Variants in PKP2 observed in about 807,000 individuals in gnomAD.
PKP2 encodes the protein plakophilin-2.
Under a neutral mutation model 83.4 loss-of-function variants are expected in PKP2, and 73 were observed. The ratio of observed to expected loss-of-function variants is 0.88; its 90% CI spans 0.72 to 1.06. The LOEUF (loss-of-function observed/expected upper bound fraction) is 1.06, where lower values mean the gene tolerates loss of function less well. PKP2 is among the 50% of genes least tolerant of loss of function. PKP2 has a pLI of 0.00. For synonymous variants in PKP2, 409 were observed against 430.4 expected (o/e 0.95, Z 0.62); for missense variants, 966 against 1,065.4 (o/e 0.91, Z 1.30).
At chr12:32,853,444 GT>G (rs985870268) in intron 4 of PKP2, among the ~76,000 whole-genome samples, 3 of 143,298 alleles carry the variant, frequency 2.1e-5, no homozygotes, top group African/African-American at 7.7e-5. Flanking sequence ...AAAACAACCT[GT>G]AATTCACGTT....
At chr12:32,792,850 G>T in intron 11 of PKP2, 119 bp from the exon 12 acceptor site, 1 of 781,498 alleles carries the variant, frequency 1.3e-6, no homozygotes, top group Non-Finnish European at 2.3e-6. Flanking sequence ...AGCCATCCAT[G>T]AAGTCAGGCC....
intron 1 of PKP2, chr12:32,894,598 G>T (rs567846570): frequency 6.6e-6 from 1 of 152,326 alleles, no homozygotes; most frequent in South Asian, 2.1e-4. Context: ...GCACATAGTA[G>T]ATGCTCAGCA....
At chr12:32,795,922 G>A (rs938157755) in intron 11 of PKP2, among the ~76,000 whole-genome samples, 187 bp downstream of exon 11, 3 of 152,224 alleles carry the variant, frequency 2.0e-5, no homozygotes, top group Admixed American at 2.0e-4. Context: ...AGCATGTGGT[G>A]TGGTGGATTC....
intron 9 of PKP2, among the ~76,000 whole-genome samples, chr12:32,802,821 G>T (rs1035202069): frequency 6.6e-6 from 1 of 151,854 alleles, no homozygotes; most frequent in Admixed American, 6.6e-5. Flanking sequence ...ACCACGCCCA[G>T]CTAATTTTTT....
intron 4 of PKP2, among the ~76,000 whole-genome samples, chr12:32,855,174 A>G (rs1956734184): frequency 6.6e-6 from 1 of 152,260 alleles, no homozygotes; most frequent in Non-Finnish European, 1.5e-5. Flanking sequence ...CTAACATGCA[A>G]AAATAGTGAC....
intron 5 of PKP2, among the ~76,000 whole-genome samples, chr12:32,845,174 G>C (rs1275761500): frequency 6.6e-6 from 1 of 152,106 alleles, no homozygotes; most frequent in African/African-American, 2.4e-5. Context: ...AACTCCATTA[G>C]CCAGAAATTT....
At chr12:32,806,686 TTG>T (rs140484431) in intron 9 of PKP2, among the ~76,000 whole-genome samples, 3 of 149,660 alleles carry the variant, frequency 2.0e-5, no homozygotes, top group Admixed American at 6.7e-5. Flanking sequence ...TTTGAAGGGT[TTG>T]TGTGTGTGTG....
At chr12:32,812,443 T>A (rs1349052397) in intron 9 of PKP2, among the ~76,000 whole-genome samples, 1 of 152,180 alleles carries the variant, frequency 6.6e-6, no homozygotes, top group African/African-American at 2.4e-5. Flanking sequence ...TGATTAGTCA[T>A]CTTTTCTGTT....
chr12:32,828,512 A>T (rs907368094), intron 6 of PKP2, among the ~76,000 whole-genome samples: 11 of 152,206 alleles, frequency 7.2e-5, no homozygotes, highest in Non-Finnish European at 1.2e-4. Flanking sequence ...AAATAGCATG[A>T]TCTGTAATTT....
intron 6 of PKP2, among the ~76,000 whole-genome samples, chr12:32,827,149 G>A (rs937146907): frequency 8.5e-5 from 13 of 152,162 alleles, no homozygotes; most frequent in Non-Finnish European, 1.6e-4. Context: ...GTTTAACTCC[G>A]GGGTGTTTAT....
At chr12:32,815,501 T>C (rs1956312398) in intron 9 of PKP2, among the ~76,000 whole-genome samples, 1 of 152,212 alleles carries the variant, frequency 6.6e-6, no homozygotes, top group African/African-American at 2.4e-5. Flanking sequence ...ATACAAATGT[T>C]TACTGACCTG....
chr12:32,814,601 A>G (rs73301783), intron 9 of PKP2, among the ~76,000 whole-genome samples: 2,321 of 152,126 alleles, frequency 0.015, 52 homozygotes, highest in African/African-American at 0.053. Flanking sequence ...TCTTATTTAG[A>G]CTATGGTGCA....
At chr12:32,809,868 G>T (rs1956262072) in intron 9 of PKP2, among the ~76,000 whole-genome samples, 1 of 152,170 alleles carries the variant, frequency 6.6e-6, no homozygotes, top group Non-Finnish European at 1.5e-5. Context: ...GACCCACTCT[G>T]CTTTTCTTTA....
chr12:32,859,315 T>C (rs373232439), intron 4 of PKP2, among the ~76,000 whole-genome samples: 2 of 152,360 alleles, frequency 1.3e-5, no homozygotes, highest in South Asian at 2.1e-4. Flanking sequence ...ATTAGTTCCA[T>C]TAAGTTCTCA....
chr12:32,890,728 G>A (rs1401191945), intron 1 of PKP2, among the ~76,000 whole-genome samples: 2 of 152,114 alleles, frequency 1.3e-5, no homozygotes, highest in Non-Finnish European at 2.9e-5. Context: ...GGAGGCAGAG[G>A]TGGGCGGATC....
In PKP2 at chr12:32,814,697, G is replaced by A. The variant is rs183680200; in HGVS notation, c.2013+6659C>T. On this transcript the variant is annotated intron_variant, in intron 9 of 12. Coordinates refer to ENST00000340811, the MANE Select transcript of PKP2 (RefSeq NM_001005242.3). The stretch of plus-strand genomic sequence containing the variant: ...CCAGCACTTTGGGAGGCAGAGGAAG[G>A]CAGATCACCTGAGGTCAGGAGTTCG... Among the ~76,000 whole-genome samples the A allele has an allele frequency of 8.6e-4, 131 of 152,296 alleles. 1 individual carries two copies. Among genetic ancestry groups the A allele is most frequent in the African/African-American group, 3.1e-3 (128 of 41,560 alleles).
At chr12:32,851,866 T>C (rs74072952) in intron 4 of PKP2, among the ~76,000 whole-genome samples, 20 of 133,936 alleles carry the variant, frequency 1.5e-4, no homozygotes, top group Admixed American at 2.7e-4. Context: ...TTTACACTTT[T>C]AAATGTGTTA....
intron 6 of PKP2, among the ~76,000 whole-genome samples, chr12:32,831,206 G>T (rs1446034265): frequency 6.6e-6 from 1 of 152,186 alleles, no homozygotes; most frequent in Non-Finnish European, 1.5e-5. Context: ...TTAAGACCTA[G>T]AGTAGAATAA....
chr12:32,830,732 C>T (rs11052271), intron 6 of PKP2, among the ~76,000 whole-genome samples: 8,488 of 151,998 alleles, frequency 0.056, 991 homozygotes, highest in East Asian at 0.54. Flanking sequence ...ATGGTGAAAC[C>T]CTGTCTCTAT....
Sources: allele counts gnomAD v4.1 joint callset (sites outside exome capture counted in the v4.1 genomes callset), GRCh38; gene constraint gnomAD v4.1.1; transcripts MANE v1.5; gene names NCBI Gene and HGNC (gene_info 2026-07-23, HGNC 2026-07-21).